CDH8: variants seen among roughly 807,000 people sequenced by gnomAD.
CDH8 encodes the protein cadherin-8.
A neutral mutation model predicts 68.1 loss-of-function variants in CDH8; 17 were observed. The observed-to-expected ratio is 0.25, with a 90% CI of 0.17 to 0.37. The LOEUF (loss-of-function observed/expected upper bound fraction) is 0.37. CDH8 is among the 10% of genes least tolerant of loss of function. The pLI is 1.00. For missense variants in CDH8, 763 were observed against 999.3 expected (o/e 0.76, Z 3.19); for synonymous variants, 372 against 365.1 (o/e 1.02, Z -0.21).
intron 3 of CDH8, among the ~76,000 whole-genome samples, chr16:61,889,741 C>T (rs1963741131): frequency 6.6e-6 from 1 of 152,154 alleles, no homozygotes; most frequent in South Asian, 2.1e-4. Flanking sequence ...TCTAGACACA[C>T]ATGTGGCTTG....
intron 4 of CDH8, among the ~76,000 whole-genome samples, chr16:61,827,789 G>A (rs1050766776): frequency 4.0e-5 from 6 of 151,852 alleles, no homozygotes; most frequent in East Asian, 2.0e-4. Context: ...TGAACAACAC[G>A]GGAGGTAAGG....
At chr16:61,838,968 T>G (rs1962626479) in intron 4 of CDH8, among the ~76,000 whole-genome samples, 2 of 152,098 alleles carry the variant, frequency 1.3e-5, no homozygotes, top group African/African-American at 4.8e-5. Flanking sequence ...AAATATATAC[T>G]TTTCCTGCTT....
At chr16:61,777,920 T>G (rs1163356070) in intron 8 of CDH8, among the ~76,000 whole-genome samples, 1 of 152,136 alleles carries the variant, frequency 6.6e-6, no homozygotes, top group African/African-American at 2.4e-5. Context: ...TTCCATATTT[T>G]AGTTTTCACT....
intron 8 of CDH8, among the ~76,000 whole-genome samples, chr16:61,736,643 T>C (rs1366837853): frequency 2.6e-5 from 4 of 152,154 alleles, no homozygotes; most frequent in South Asian, 4.1e-4. Context: ...TGAACAGACA[T>C]GACTGAAATT....
chr16:61,732,708 G>A (rs17248940), intron 8 of CDH8, among the ~76,000 whole-genome samples: 2 of 151,662 alleles, frequency 1.3e-5, no homozygotes, highest in African/African-American at 4.8e-5. Context: ...AAACGGTAAA[G>A]GTAATTATGC....
chr16:61,951,172 A>G (rs904260262), intron 2 of CDH8, among the ~76,000 whole-genome samples: 1 of 152,162 alleles, frequency 6.6e-6, no homozygotes, highest in Non-Finnish European at 1.5e-5. Context: ...CATGATGCTG[A>G]ACAATACACA....
intron 4 of CDH8, among the ~76,000 whole-genome samples, chr16:61,856,709 ATCT>A (rs1243072522): frequency 6.6e-6 from 1 of 152,134 alleles, no homozygotes; most frequent in Non-Finnish European, 1.5e-5. Flanking sequence ...GTTTTATCTG[ATCT>A]TCTTCACAGT....
At chr16:61,960,378 T>TGTGTGTGTGTATACACATACATATATAC (rs1965129480) in intron 2 of CDH8, among the ~76,000 whole-genome samples, 1 of 68,988 alleles carries the variant, frequency 1.4e-5, no homozygotes, top group Non-Finnish European at 2.7e-5. Flanking sequence ...CATATATACA[T>TGTGTGTGTGTATACACATACATATATAC]GTGTGTGTGT....
intron 7 of CDH8, among the ~76,000 whole-genome samples, chr16:61,815,309 A>G (rs1962047532): frequency 6.6e-6 from 1 of 152,202 alleles, no homozygotes; most frequent in African/African-American, 2.4e-5. Context: ...AGCAATAATA[A>G]TAACTAGCAA....
At chr16:61,971,165 C>T (rs1020884225) in intron 2 of CDH8, among the ~76,000 whole-genome samples, 2 of 152,178 alleles carry the variant, frequency 1.3e-5, no homozygotes, top group African/African-American at 4.8e-5. Flanking sequence ...TAATCCACCA[C>T]CCTTTGCTGA....
At position 61,817,620 on chromosome 16, in the gene CDH8, T is replaced by C. The variant is rs776166866; in HGVS notation, c.1136A>G (p.Lys379Arg). ...RGPFKDTATVKIVVEDADEPP... is the reference protein window; with the variant it reads ...RGPFKDTATVRIVVEDADEPP... ...CTCATCAGCATCTTCAACCACGATT[T>C]TGACTGTCGCCGTGTCTTTAAAGGG... Residue 379 changes from lysine (K) to arginine (R), a missense_variant, in exon 7 of 12, where the codon AAA (lysine) becomes AGA (arginine). By Grantham distance (26) the Lys-to-Arg change is conservative. Transcript: ENST00000577390. 1.9e-6 allele frequency: 3 copies of C among 1,614,032 alleles called. No homozygotes were observed. Among genetic ancestry groups the C allele is most frequent in the Non-Finnish European group, 2.5e-6 (3 of 1,179,986 alleles).
chr16:61,714,817 T>TA, intron 9 of CDH8, among the ~76,000 whole-genome samples: 1 of 151,816 alleles, frequency 6.6e-6, no homozygotes, highest in South Asian at 2.1e-4. Context: ...AGATTTACCA[T>TA]AAAAAGTAGT....
intron 7 of CDH8, among the ~76,000 whole-genome samples, chr16:61,803,922 C>T (rs1368140077): frequency 1.3e-4 from 17 of 127,372 alleles, no homozygotes; most frequent in Admixed American, 5.6e-4. Context: ...GACAGAAAGT[C>T]AACAAGGATA....
At chr16:61,982,285 T>G (rs1965546766) in intron 2 of CDH8, among the ~76,000 whole-genome samples, 1 of 152,138 alleles carries the variant, frequency 6.6e-6, no homozygotes, top group Non-Finnish European at 1.5e-5. Context: ...AGTGGCGCGA[T>G]CTCGGCTCAA....
At chr16:61,713,502 G>A (rs561089134) in intron 10 of CDH8, among the ~76,000 whole-genome samples, 7 of 151,724 alleles carry the variant, frequency 4.6e-5, no homozygotes, top group Admixed American at 3.3e-4. Context: ...CAACTACAAA[G>A]TGTAGGCCAA....
At chr16:61,926,854 ATAT>A (rs1964464198) in intron 2 of CDH8, among the ~76,000 whole-genome samples, 1 of 152,230 alleles carries the variant, frequency 6.6e-6, no homozygotes, top group Admixed American at 6.5e-5. Flanking sequence ...CTCATTTAAG[ATAT>A]TATGTACTTT....
intron 4 of CDH8, among the ~76,000 whole-genome samples, chr16:61,843,719 A>G (rs1334912701): frequency 2.0e-5 from 3 of 152,174 alleles, no homozygotes; most frequent in Non-Finnish European, 2.9e-5. Context: ...TTATAGCAGC[A>G]TGATTTATAA....
chr16:61,654,093 C>T lies in CDH8; in HGVS notation c.1915G>A (p.Val639Met). 1.2e-6 allele frequency: 2 copies of T among 1,610,504 alleles called. No homozygotes were observed. The highest frequency in any genetic ancestry group is 1.7e-6 in the Non-Finnish European group (2 of 1,178,356). ...TGCCGCCGTAGAGTTACAAACAGCACCACGATGACTAGAGGAAAAATATTA... is the reference window on the plus strand; with the variant it reads ...TGCCGCCGTAGAGTTACAAACAGCATCACGATGACTAGAGGAAAAATATTA... ...ACIILLLVIV[V>M]LFVTLRRHKN... Residue 639 changes from valine (V) to methionine (M), a missense_variant, in exon 12 of 12, where the codon GTG (valine) becomes ATG (methionine). Physicochemically the swap from Val to Met is conservative, Grantham distance 21. Around this residue, in one of 2 missense-constraint regions of CDH8, gnomAD observed 397 missense variants for 436.2 expected, o/e 0.91. Coordinates refer to ENST00000577390, the MANE Select transcript of CDH8 (RefSeq NM_001796.5).
chr16:61,791,200 C>A (rs776263366), intron 7 of CDH8, among the ~76,000 whole-genome samples: 41 of 151,918 alleles, frequency 2.7e-4, no homozygotes, highest in Non-Finnish European at 4.0e-4. Context: ...TCACTCCCAT[C>A]CCCAATCCCC....
Sources: gnomAD v4.1 joint callset for allele counts (sites outside exome capture counted in the v4.1 genomes callset) on GRCh38, gnomAD v4.1.1 for gene constraint, gnomAD v4.1.1 regional missense constraint, MANE v1.5 for transcripts, NCBI Gene and HGNC (gene_info 2026-07-23, HGNC 2026-07-21) for gene names.